The following SCHIP1 variants were observed in gnomAD, a reference collection of about 807,000 sequenced individuals.
SCHIP1 encodes schwannomin interacting protein 1.
A neutral mutation model predicts 29.7 loss-of-function variants in SCHIP1; 8 were observed. The observed-to-expected ratio is 0.27, with a 90% CI of 0.16 to 0.49. The LOEUF is 0.49. Ranked by LOEUF, SCHIP1 falls within the 20% of genes least tolerant of loss-of-function variation. The pLI, the probability that SCHIP1 is intolerant of heterozygous loss-of-function variation, is 0.99. For synonymous variants in SCHIP1, 76 were observed against 94.9 expected, an observed-to-expected ratio of 0.80 and a Z score of 1.16; for missense variants, 193 against 294.6, an observed-to-expected ratio of 0.66 and a Z score of 2.52.
the SCHIP1 span, among the ~76,000 whole-genome samples, chr3:159,644,844 T>A: frequency 6.6e-6 from 1 of 152,050 alleles, no homozygotes; most frequent in Non-Finnish European, 1.5e-5. Context: ...ATTGAACACC[T>A]ACCATATGCA....
chr3:159,859,367 C>T (rs1166945303), intron 1 of SCHIP1, among the ~76,000 whole-genome samples: 1 of 152,102 alleles, frequency 6.6e-6, no homozygotes, highest in Non-Finnish European at 1.5e-5. Flanking sequence ...AAGTTCTATA[C>T]TTCTGGTTCA....
chr3:159,557,279 A>G, the SCHIP1 span, among the ~76,000 whole-genome samples: 1 of 152,216 alleles, frequency 6.6e-6, no homozygotes, highest in African/African-American at 2.4e-5. Context: ...AAATTCAACT[A>G]CATTTCATGC....
the SCHIP1 span, among the ~76,000 whole-genome samples, chr3:159,553,847 C>G: frequency 2.0e-5 from 3 of 152,262 alleles, no homozygotes; most frequent in Admixed American, 2.0e-4. Context: ...GTCGCCCAGG[C>G]TGGAGTGCAG....
chr3:159,473,611 A>C, the SCHIP1 span, among the ~76,000 whole-genome samples: 1 of 144,444 alleles, frequency 6.9e-6, no homozygotes. Context: ...ACCTATTTTT[A>C]TTGAATTTGG....
intron 4 of SCHIP1, chr3:159,888,472 G>A (rs2109459344): frequency 9.4e-6 from 2 of 211,708 alleles, no homozygotes; most frequent in Admixed American, 1.1e-4. Flanking sequence ...CTTGTAGCAT[G>A]GTATAAATTA....
the SCHIP1 span, among the ~76,000 whole-genome samples, chr3:159,575,010 C>T: frequency 6.6e-6 from 1 of 152,006 alleles, no homozygotes; most frequent in East Asian, 1.9e-4. Context: ...TAGTCTGTCA[C>T]GGCTTCCCTT....
upstream of SCHIP1, chr3:159,839,829 A>G: frequency 8.2e-7 from 1 of 1,221,424 alleles, no homozygotes; most frequent in Non-Finnish European, 1.0e-6. Context: ...TTCATAAAGC[A>G]CCAGAAGGTC....
At chr3:159,798,945 G>T in the SCHIP1 span, among the ~76,000 whole-genome samples, 2 of 152,036 alleles carry the variant, frequency 1.3e-5, no homozygotes, top group African/African-American at 4.8e-5. Context: ...CTTATTTCTT[G>T]AACTTTTGCT....
At chr3:159,825,273 C>G in the SCHIP1 span, among the ~76,000 whole-genome samples, 1 of 152,098 alleles carries the variant, frequency 6.6e-6, no homozygotes, top group South Asian at 2.1e-4. Flanking sequence ...AAGTGTTAGC[C>G]TTACCTGGGA....
chr3:159,397,832 T>C, the SCHIP1 span, among the ~76,000 whole-genome samples: 1 of 152,232 alleles, frequency 6.6e-6, no homozygotes, highest in Non-Finnish European at 1.5e-5. Context: ...GCAGGCCTCT[T>C]TGAGCTGTGG....
chr3:159,799,351 A>G, the SCHIP1 span, among the ~76,000 whole-genome samples: 1 of 152,250 alleles, frequency 6.6e-6, no homozygotes, highest in East Asian at 1.9e-4. Flanking sequence ...TGGGCAAATT[A>G]CTTCACCTCG....
the SCHIP1 span, among the ~76,000 whole-genome samples, chr3:159,384,988 T>A: frequency 1.3e-5 from 2 of 152,120 alleles, no homozygotes; most frequent in African/African-American, 4.8e-5. Flanking sequence ...TGCATCTATT[T>A]GATTCTTCTC....
intron 2 of SCHIP1, among the ~76,000 whole-genome samples, chr3:159,877,488 T>A (rs557254757): frequency 6.6e-6 from 1 of 152,220 alleles, no homozygotes; most frequent in Non-Finnish European, 1.5e-5. Context: ...AAAGCCAGTG[T>A]TTTTGAGATG....
the SCHIP1 span, among the ~76,000 whole-genome samples, chr3:159,627,093 T>C: frequency 4.6e-5 from 7 of 152,162 alleles, no homozygotes; most frequent in Non-Finnish European, 8.8e-5. Context: ...TGTGTTCTCA[T>C]TGTTCAACTC....
chr3:159,653,664 T>C, the SCHIP1 span, among the ~76,000 whole-genome samples: 1 of 151,538 alleles, frequency 6.6e-6, no homozygotes, highest in East Asian at 1.9e-4. Context: ...AGATGACAGG[T>C]TGATAGGTGC....
At chr3:159,786,788 A>C in the SCHIP1 span, among the ~76,000 whole-genome samples, 1 of 151,884 alleles carries the variant, frequency 6.6e-6, no homozygotes, top group South Asian at 2.1e-4. Context: ...GAAATGAAGC[A>C]TCACAGCTGG....
intron 2 of SCHIP1, among the ~76,000 whole-genome samples, chr3:159,877,544 C>G (rs528320633): frequency 2.9e-4 from 44 of 152,198 alleles, no homozygotes; most frequent in Admixed American, 2.1e-3. Flanking sequence ...CAAAATGTTT[C>G]TAAACATGAA....
chr3:159,691,101 A>G, the SCHIP1 span, among the ~76,000 whole-genome samples: 8 of 152,190 alleles, frequency 5.3e-5, no homozygotes, highest in Non-Finnish European at 1.0e-4. Context: ...ATAGATGTCT[A>G]TTAGTTCTGC....
At chr3:159,870,591 G>A (rs140678352) in intron 2 of SCHIP1, among the ~76,000 whole-genome samples, 1 of 151,834 alleles carries the variant, frequency 6.6e-6, no homozygotes, top group Non-Finnish European at 1.5e-5. Context: ...AAAGTGGTTA[G>A]GGAGTATTAT....
Sources: gnomAD v4.1 joint callset for allele counts (sites outside exome capture counted in the v4.1 genomes callset) on GRCh38, gnomAD v4.1.1 for gene constraint, MANE v1.5 for transcripts, NCBI Gene and HGNC (gene_info 2026-07-23, HGNC 2026-07-21) for gene names.